PLEKHD1: variants seen among roughly 807,000 people sequenced by gnomAD.
The protein encoded by PLEKHD1 is pleckstrin homology and coiled-coil domain containing D1.
A neutral mutation model predicts 69.2 loss-of-function variants in PLEKHD1; 51 were observed. That is an observed-to-expected ratio of 0.74 (90% CI 0.59 to 0.93). The LOEUF (loss-of-function observed/expected upper bound fraction) is 0.93, where lower values mean the gene tolerates loss of function less well. PLEKHD1 is among the 40% of genes least tolerant of loss of function. PLEKHD1 has a pLI of 0.00. For missense variants in PLEKHD1, 584 were observed against 641.0 expected (o/e 0.91, Z 0.96); for synonymous variants, 236 against 244.7 (o/e 0.96, Z 0.33).
intron 1 of PLEKHD1, among the ~76,000 whole-genome samples, chr14:69,493,972 A>G (rs941746008): frequency 3.3e-5 from 5 of 152,190 alleles, no homozygotes; most frequent in African/African-American, 1.2e-4. Flanking sequence ...GGGATAAGCC[A>G]TGTGTTGGGA....
intron 6 of PLEKHD1, among the ~76,000 whole-genome samples, chr14:69,517,157 C>T (rs1883402831): frequency 6.6e-6 from 1 of 151,526 alleles, no homozygotes; most frequent in African/African-American, 2.4e-5. Flanking sequence ...GCAATACGAA[C>T]TGGACTTGAG....
intron 1 of PLEKHD1, among the ~76,000 whole-genome samples, chr14:69,497,190 G>A (rs532896970): frequency 6.6e-6 from 1 of 152,304 alleles, no homozygotes; most frequent in South Asian, 2.1e-4. Context: ...ACCGCATAAG[G>A]TAGTTGTTAT....
rs143883717 is a variant in PLEKHD1 at position 69,521,433 on chromosome 14, C to T, written c.556-850C>T. Among the ~76,000 whole-genome samples, 296 of 152,288 alleles carry T rather than the reference C, an allele frequency of 1.9e-3. 1 individual carries two copies. Among genetic ancestry groups the T allele is most frequent in the Admixed American group, 3.7e-3 (56 of 15,298 alleles). ...CCTCCCCAGTGGGGTTTCCATTAAA[C>T]TTGGGAACAAAGCCCCCAGGTGAAA... On this transcript the variant is annotated intron_variant, in intron 6 of 12. Transcript: ENST00000322564.
At chr14:69,487,216 CACACA>C in intron 1 of PLEKHD1, among the ~76,000 whole-genome samples, 1 of 150,268 alleles carries the variant, frequency 6.7e-6, no homozygotes, top group South Asian at 2.2e-4. Flanking sequence ...CACACACACA[CACACA>C]CACGCTATTT....
the PLEKHD1 span, among the ~76,000 whole-genome samples, chr14:69,478,990 G>A: frequency 2.6e-5 from 4 of 152,276 alleles, no homozygotes; most frequent in South Asian, 2.1e-4. Context: ...CTGGTTTTAC[G>A]TCGCTGATAA....
chr14:69,498,090 TATTTTATTTTATTTTA>T (rs1882930872), intron 1 of PLEKHD1, among the ~76,000 whole-genome samples: 1 of 146,848 alleles, frequency 6.8e-6, no homozygotes, highest in African/African-American at 2.6e-5. Flanking sequence ...TATTTTATTT[TATTTTATTTTATTTTA>T]GAGAGTCTTG....
intron 1 of PLEKHD1, among the ~76,000 whole-genome samples, chr14:69,487,048 ATTG>A (rs1882669474): frequency 6.6e-6 from 1 of 152,128 alleles, no homozygotes; most frequent in African/African-American, 2.4e-5. Flanking sequence ...TTCCAAGGAG[ATTG>A]TTACCTGGGT....
rs1283980268 is a variant in PLEKHD1, at chr14:69,526,773, C to A, written c.1000C>A (p.Gln334Lys). 6.4e-7 allele frequency: 1 copy of A among 1,550,586 alleles called. No homozygotes were observed. Among genetic ancestry groups the A allele is most frequent in the Non-Finnish European group, 8.7e-7 (1 of 1,146,548 alleles). The change falls in exon 10 of 13, where the codon CAG becomes AAG. Residue 334 changes from glutamine to lysine, a missense_variant. Transcript: ENST00000322564. ...EFYSSQSQAL[Q>K]NSLQELTAEK... ...CTACTCCAGCCAGTCCCAGGCACTG[C>A]AGAACTCGCTGCAGGAGCTGACGGC...
At chr14:69,475,210 T>C in the PLEKHD1 span, among the ~76,000 whole-genome samples, 6 of 152,216 alleles carry the variant, frequency 3.9e-5, no homozygotes, top group Admixed American at 2.6e-4. Flanking sequence ...GTGTGTGAGA[T>C]CATAGCAATA....
At chr14:69,495,487 C>T (rs1033097825) in intron 1 of PLEKHD1, among the ~76,000 whole-genome samples, 3 of 152,234 alleles carry the variant, frequency 2.0e-5, no homozygotes, top group Non-Finnish European at 4.4e-5. Flanking sequence ...TGCTTCATTT[C>T]TGACCATGTA....
intron 3 of PLEKHD1, 97 bp from the exon 4 acceptor site, chr14:69,500,773 AC>A: frequency 6.6e-7 from 1 of 1,521,718 alleles, no homozygotes; most frequent in Non-Finnish European, 8.9e-7. Flanking sequence ...GGGCATCAGC[AC>A]CCAGGGATGT....
intron 11 of PLEKHD1, 73 bp downstream of exon 11, chr14:69,527,405 C>T (rs1883681024): frequency 2.0e-6 from 3 of 1,535,406 alleles, no homozygotes; most frequent in Non-Finnish European, 2.6e-6. Context: ...CCCTGTAGAG[C>T]CAGGAAACCC....
chr14:69,493,096 T>C (rs950897456), intron 1 of PLEKHD1, among the ~76,000 whole-genome samples: 1 of 152,068 alleles, frequency 6.6e-6, no homozygotes, highest in African/African-American at 2.4e-5. Context: ...AGTATGTTGG[T>C]TTCTACACTC....
chr14:69,475,664 C>G, the PLEKHD1 span, among the ~76,000 whole-genome samples: 2 of 152,164 alleles, frequency 1.3e-5, no homozygotes, highest in Non-Finnish European at 2.9e-5. Context: ...CTGTGCTTCC[C>G]CGCAAGTGAG....
chr14:69,479,225 C>T, the PLEKHD1 span, among the ~76,000 whole-genome samples: 2 of 152,150 alleles, frequency 1.3e-5, no homozygotes, highest in Non-Finnish European at 2.9e-5. Context: ...AGACCTTCCT[C>T]CATGATTCAA....
In PLEKHD1 at chr14:69,528,330, A is replaced by G. The variant is rs1594996594; in HGVS notation, c.1432A>G (p.Ser478Gly). ...GCTAAAGGAGGTGGCCAAGCGGCTC[A>G]GCAGGGACCAGCGCTTCCGGGAATC... ...EELKEVAKRL[S>G]RDQRFRESIY... Residue 478 changes from serine to glycine, a missense_variant, in exon 13 of 13, where the codon AGC becomes GGC. Transcript: ENST00000322564. 6.4e-7 allele frequency: 1 copy of G among 1,551,748 alleles called. No homozygotes were observed. Among genetic ancestry groups the G allele is most frequent in the Non-Finnish European group, 8.7e-7 (1 of 1,146,992 alleles).
intron 6 of PLEKHD1, among the ~76,000 whole-genome samples, chr14:69,515,313 A>G (rs1396530677): frequency 6.6e-6 from 1 of 152,206 alleles, no homozygotes; most frequent in Non-Finnish European, 1.5e-5. Flanking sequence ...TATAACTCAC[A>G]GAAGTGAGGA....
At chr14:69,496,893 G>A (rs1487965399) in intron 1 of PLEKHD1, among the ~76,000 whole-genome samples, 1 of 151,882 alleles carries the variant, frequency 6.6e-6, no homozygotes, top group Admixed American at 6.6e-5. Context: ...TTGGATTAGG[G>A]CCCTACCCTT....
chr14:69,508,645 G>A (rs897085679), intron 6 of PLEKHD1, among the ~76,000 whole-genome samples: 1 of 152,174 alleles, frequency 6.6e-6, no homozygotes, highest in African/African-American at 2.4e-5. Flanking sequence ...GGGCAAACAT[G>A]GGACTAAAAG....
Sources: allele counts gnomAD v4.1 joint callset (sites outside exome capture counted in the v4.1 genomes callset), GRCh38; gene constraint gnomAD v4.1.1; transcripts MANE v1.5; gene names NCBI Gene and HGNC (gene_info 2026-07-23, HGNC 2026-07-21).